TRIO: variants seen among roughly 807,000 people sequenced by gnomAD.
TRIO encodes triple functional domain protein.
A neutral mutation model predicts 351.9 loss-of-function variants in TRIO; 58 were observed. That is an observed-to-expected ratio of 0.16 (90% CI 0.13 to 0.21). TRIO has a LOEUF of 0.21. Ranked by LOEUF, TRIO falls within the 10% of genes least tolerant of loss-of-function variation. The pLI, the probability that TRIO is intolerant of heterozygous loss-of-function variation, is 1.00. For synonymous variants in TRIO, 1,758 were observed against 1,595.7 expected (o/e 1.10, Z -2.42); for missense variants, 3,201 against 4,027.8 (o/e 0.79, Z 5.56).
chr5:14,505,248 C>CT (rs1216735217), intron 55 of TRIO, among the ~76,000 whole-genome samples: 2 of 152,256 alleles, frequency 1.3e-5, no homozygotes, highest in Non-Finnish European at 2.9e-5. Context: ...GTCAGGAGAG[C>CT]TCAGGCTGGG....
chr5:14,197,085 T>A (rs1376621277), intron 1 of TRIO, among the ~76,000 whole-genome samples: 1 of 152,224 alleles, frequency 6.6e-6, no homozygotes, highest in Non-Finnish European at 1.5e-5. Context: ...AAATTTGTGC[T>A]GTTTAAACTT....
intron 34 of TRIO, among the ~76,000 whole-genome samples, chr5:14,460,535 A>C (rs1296173614): frequency 6.6e-6 from 1 of 152,226 alleles, no homozygotes; most frequent in Non-Finnish European, 1.5e-5. Flanking sequence ...AATCAAACTA[A>C]TGCACTTCTG....
At chr5:14,430,684 G>GTTTTATTTTA (rs375606260) in intron 34 of TRIO, among the ~76,000 whole-genome samples, 54 of 94,414 alleles carry the variant, frequency 5.7e-4, no homozygotes, top group Middle Eastern at 0.01. Flanking sequence ...AGTGAATTTC[G>GTTTTATTTTA]TTTTATTTTA....
chr5:14,502,687 A>C, intron 54 of TRIO, 30 bp downstream of exon 54: 3 of 1,608,454 alleles, frequency 1.9e-6, no homozygotes, highest in Non-Finnish European at 2.6e-6. Flanking sequence ...ACGCCTTCCG[A>C]AAGAGCAGAG....
intron 14 of TRIO, 138 bp downstream of exon 14, chr5:14,364,065 A>G: frequency 1.2e-6 from 1 of 809,390 alleles, no homozygotes; most frequent in South Asian, 2.2e-5. Context: ...CTTTAAAAGA[A>G]CGTTTGCATT....
intron 34 of TRIO, among the ~76,000 whole-genome samples, chr5:14,439,396 T>A (rs144074148): frequency 6.6e-6 from 1 of 152,220 alleles, no homozygotes; most frequent in Non-Finnish European, 1.5e-5. Context: ...ATTTTTAAGC[T>A]TAATCCTCTT....
At chr5:14,237,291 T>C (rs1463335690) in intron 1 of TRIO, among the ~76,000 whole-genome samples, 1 of 152,268 alleles carries the variant, frequency 6.6e-6, no homozygotes, top group East Asian at 1.9e-4. Flanking sequence ...GCACTCAAAA[T>C]ATTTCAGACT....
intron 33 of TRIO, 89 bp downstream of exon 33, chr5:14,406,761 GTCA>G: frequency 7.4e-7 from 1 of 1,346,722 alleles, no homozygotes; most frequent in Non-Finnish European, 1.1e-6. Context: ...CTCACAGTTT[GTCA>G]TCAACATTTT....
chr5:14,385,641 G>A (rs1415312335), intron 21 of TRIO, among the ~76,000 whole-genome samples: 1 of 152,232 alleles, frequency 6.6e-6, no homozygotes, highest in Non-Finnish European at 1.5e-5. Context: ...ACTGGTGACA[G>A]TGGAAGGTGG....
At position 14,304,518 on chromosome 5, in the gene TRIO, G is replaced by C; in HGVS notation, c.1426G>C (p.Glu476Gln). Residue 476 changes from glutamate to glutamine, a missense_variant, in exon 8 of 57, where the codon GAG (glutamate) becomes CAG (glutamine). Transcript: ENST00000344204. ...KACGEVDLPSELQDLEDAIHH... is the reference protein window; with the variant it reads ...KACGEVDLPSQLQDLEDAIHH... ...TTGCGGTGAGGTAGACCTTCCCTCA[G>C]AGCTGCAGGACCTAGAAGATGCCAT... is the stretch of plus-strand genomic sequence containing the variant. The C allele has an allele frequency of 6.2e-7, 1 of 1,614,158 alleles. No individual in the cohort carries two copies.
intron 44 of TRIO, 91 bp from the exon 45 acceptor site, chr5:14,481,450 A>T: frequency 1.3e-6 from 2 of 1,526,926 alleles, no homozygotes; most frequent in Non-Finnish European, 1.8e-6. Flanking sequence ...GGTGGGGAGG[A>T]AGAACAGAAC....
At chr5:14,298,529 T>C (rs2152291415) in intron 7 of TRIO, among the ~76,000 whole-genome samples, 3 of 152,242 alleles carry the variant, frequency 2.0e-5, no homozygotes, top group Middle Eastern at 6.8e-3. Context: ...AAAAAGGAAA[T>C]AGTATCTCTT....
Position 14,166,299 on chromosome 5 carries a change from C to T in TRIO, c.157+22417C>T, listed in dbSNP as rs138701116. Among the ~76,000 whole-genome samples the T allele has an allele frequency of 6.2e-3, 942 of 152,300 alleles. 7 individuals are homozygous for T. The highest frequency in any genetic ancestry group is 0.021 in the African/African-American group (879 of 41,560). ...TCCCCTTCCTGTCTCTCAGTCGTCC[C>T]GTCACTTAGTGGGGTCTCTTGACAC... is the stretch of plus-strand genomic sequence containing the variant. On this transcript the variant is annotated intron_variant, in intron 1 of 56. Transcript: ENST00000344204.
chr5:14,337,883 G>C (rs1006206149), intron 11 of TRIO, among the ~76,000 whole-genome samples: 3 of 152,124 alleles, frequency 2.0e-5, no homozygotes, highest in African/African-American at 7.2e-5. Flanking sequence ...CTGGCAGCTG[G>C]CTCTCTCGAT....
chr5:14,156,485 C>G (rs1260990064), intron 1 of TRIO, among the ~76,000 whole-genome samples: 1 of 152,124 alleles, frequency 6.6e-6, no homozygotes, highest in Admixed American at 6.5e-5. Context: ...ATTGAGATCT[C>G]TTTCTGCACC....
intron 1 of TRIO, among the ~76,000 whole-genome samples, chr5:14,225,065 G>T (rs1419795570): frequency 3.3e-5 from 5 of 152,138 alleles, no homozygotes; most frequent in Admixed American, 6.5e-5. Flanking sequence ...GATGGAGATG[G>T]TGTGCTCCTT....
intron 19 of TRIO, among the ~76,000 whole-genome samples, chr5:14,374,905 A>G (rs562602752): frequency 6.6e-6 from 1 of 152,224 alleles, no homozygotes; most frequent in South Asian, 2.1e-4. Flanking sequence ...CTAAATTGTA[A>G]TAGGATTGAT....
chr5:14,293,230 T>G, intron 6 of TRIO, 96 bp downstream of exon 6: 1 of 1,543,108 alleles, frequency 6.5e-7, no homozygotes, highest in Non-Finnish European at 8.8e-7. Context: ...TCAAGGGGCC[T>G]TCGGAGTGGC....
At position 14,508,067 on chromosome 5, in the gene TRIO, T is replaced by C. The variant is rs1427221024; in HGVS notation, c.8939T>C (p.Val2980Ala). The change falls in exon 57 of 57, where the codon GTG (valine) becomes GCG (alanine). Residue 2980 changes from valine to alanine, a missense_variant. Val to Ala is a moderately conservative substitution (Grantham distance 64, BLOSUM62 0). Coordinates refer to ENST00000344204, the MANE Select transcript of TRIO (RefSeq NM_007118.4). ...SLTSDTWSVG[V>A]LTYVLLSGVS... ...ACCTCGGATACGTGGAGTGTTGGAG[T>C]GCTCACATACGTACTTCTTAGTGGC... is the stretch of plus-strand genomic sequence containing the variant. 1 of 1,614,156 alleles carries C rather than the reference T, an allele frequency of 6.2e-7. No individual in the cohort carries two copies. The highest frequency in any genetic ancestry group is 1.1e-5 in the South Asian group (1 of 91,084).
Sources: allele counts gnomAD v4.1 joint callset (sites outside exome capture counted in the v4.1 genomes callset), GRCh38; gene constraint gnomAD v4.1.1; transcripts MANE v1.5; gene names NCBI Gene and HGNC (gene_info 2026-07-23, HGNC 2026-07-21).